USH2A: variants seen among roughly 807,000 people sequenced by gnomAD.
USH2A encodes usherin, also known as Usher syndrome 2A (autosomal recessive, mild).
Under a neutral mutation model 538.9 loss-of-function variants are expected in USH2A, and 443 were observed. The observed-to-expected ratio is 0.82, with a 90% CI of 0.76 to 0.89. The LOEUF is 0.89. Ranked by LOEUF, USH2A falls within the 40% of genes least tolerant of loss-of-function variation. The pLI, the probability that USH2A is intolerant of heterozygous loss-of-function variation, is 0.00. For synonymous variants in USH2A, 2,413 were observed against 2,273.5 expected (o/e 1.06, Z -1.75); for missense variants, 6,633 against 6,324.8 (o/e 1.05, Z -1.65).
At chr1:216,144,948 A>G (rs994797932) in intron 21 of USH2A, among the ~76,000 whole-genome samples, 6 of 152,290 alleles carry the variant, frequency 3.9e-5, no homozygotes, top group Admixed American at 2.0e-4. Context: ...GCAAAATAGG[A>G]AATGTATTAT....
In USH2A at chr1:215,675,314, A is replaced by G. The variant is rs202172029; in HGVS notation, c.12597T>C (p.Ala4199=). ...CGGCCTGGATTGTCTGATTTCCCCA[A>G]GCTTTTCCCTCGAAGCATCTGCGAA... ...EVIRRCFEGK[A]WGNQTIQADE... is the part of the protein sequence containing the mutation. Residue 4199 remains alanine, a synonymous_variant, in exon 63 of 72, where the codon GCT becomes GCC. Coordinates refer to ENST00000307340, the MANE Select transcript of USH2A (RefSeq NM_206933.4). The G allele has an allele frequency of 7.1e-5, 114 of 1,613,986 alleles. No homozygotes were observed. Among genetic ancestry groups the G allele is most frequent in the Non-Finnish European group, 1.9e-5 (22 of 1,180,042 alleles).
At chr1:215,677,550 G>T (rs11120597) in intron 62 of USH2A, among the ~76,000 whole-genome samples, 25 of 151,942 alleles carry the variant, frequency 1.6e-4, no homozygotes, top group African/African-American at 5.8e-4. Flanking sequence ...TCTCCTTGTC[G>T]AGATCACAGT....
intron 32 of USH2A, among the ~76,000 whole-genome samples, chr1:216,002,887 A>C (rs2102485169): frequency 6.6e-6 from 1 of 152,258 alleles, no homozygotes; most frequent in South Asian, 2.1e-4. Flanking sequence ...TCAAGAATGC[A>C]TCATCATATT....
At chr1:215,852,682 T>C (rs1664049755) in intron 44 of USH2A, among the ~76,000 whole-genome samples, 1 of 152,104 alleles carries the variant, frequency 6.6e-6, no homozygotes, top group South Asian at 2.1e-4. Flanking sequence ...AGGCATTGGG[T>C]AAATACAGCT....
intron 13 of USH2A, among the ~76,000 whole-genome samples, chr1:216,243,075 A>G (rs1456337266): frequency 6.6e-6 from 1 of 152,312 alleles, no homozygotes; most frequent in South Asian, 2.1e-4. Flanking sequence ...TGATCATTCT[A>G]GCTTTTCATA....
chr1:215,882,572 A>G (rs1001661483), intron 41 of USH2A, among the ~76,000 whole-genome samples: 1 of 152,160 alleles, frequency 6.6e-6, no homozygotes, highest in Admixed American at 6.5e-5. Context: ...GCTCTGTTTT[A>G]TTTCACTCAG....
At chr1:216,176,715 C>A (rs1321976573) in intron 20 of USH2A, among the ~76,000 whole-genome samples, 1 of 152,112 alleles carries the variant, frequency 6.6e-6, no homozygotes, top group East Asian at 1.9e-4. Flanking sequence ...GCCTATTCAT[C>A]TCTCCTTCCC....
intron 32 of USH2A, among the ~76,000 whole-genome samples, chr1:216,026,289 T>C (rs933365719): frequency 3.3e-5 from 5 of 152,184 alleles, no homozygotes; most frequent in African/African-American, 4.8e-5. Context: ...TTCACTTAAC[T>C]ACCTTGAATA....
chr1:215,780,619 G>T (rs768763709), intron 54 of USH2A, among the ~76,000 whole-genome samples: 1 of 152,218 alleles, frequency 6.6e-6, no homozygotes. Context: ...AGTCAATATT[G>T]TCAAAACATA....
At chr1:216,095,139 A>C (rs1361536118) in intron 22 of USH2A, among the ~76,000 whole-genome samples, 1 of 152,030 alleles carries the variant, frequency 6.6e-6, no homozygotes, top group Non-Finnish European at 1.5e-5. Context: ...TTCCCTCTTA[A>C]ATCAGATATT....
At chr1:215,965,642 T>C (rs1278489798) in intron 36 of USH2A, among the ~76,000 whole-genome samples, 163 bp from the exon 37 acceptor site, 1 of 152,122 alleles carries the variant, frequency 6.6e-6, no homozygotes, top group Non-Finnish European at 1.5e-5. Context: ...AAAGCACACC[T>C]CATGTTTTCT....
chr1:216,406,781 A>T (rs1257326872), intron 3 of USH2A, among the ~76,000 whole-genome samples: 1 of 152,108 alleles, frequency 6.6e-6, no homozygotes, highest in African/African-American at 2.4e-5. Context: ...CAACCCAGAC[A>T]CTGAACACCA....
intron 32 of USH2A, among the ~76,000 whole-genome samples, chr1:216,044,714 C>T (rs1049086904): frequency 1.3e-5 from 2 of 152,066 alleles, no homozygotes; most frequent in African/African-American, 4.8e-5. Flanking sequence ...TTTTTAAGAC[C>T]ACATTCTTCA....
chr1:216,307,658 T>C (rs1472992292), intron 9 of USH2A, among the ~76,000 whole-genome samples: 1 of 152,198 alleles, frequency 6.6e-6, no homozygotes, highest in Non-Finnish European at 1.5e-5. Flanking sequence ...TCCTTCTCCT[T>C]GTGGTCTTTC....
intron 62 of USH2A, among the ~76,000 whole-genome samples, chr1:215,677,918 C>T (rs770843298): frequency 2.0e-5 from 3 of 152,206 alleles, no homozygotes; most frequent in Non-Finnish European, 4.4e-5. Context: ...TATCTACTTG[C>T]TCCTAACTTG....
intron 14 of USH2A, among the ~76,000 whole-genome samples, chr1:216,222,584 G>C (rs889191735): frequency 1.3e-5 from 2 of 152,176 alleles, no homozygotes; most frequent in Non-Finnish European, 2.9e-5. Flanking sequence ...ATAAAGGAAG[G>C]CAGGAGGGTA....
intron 61 of USH2A, among the ~76,000 whole-genome samples, chr1:215,703,956 G>A (rs1169538796): frequency 6.6e-6 from 1 of 152,210 alleles, no homozygotes; most frequent in Non-Finnish European, 1.5e-5. Context: ...AGGCACCTGA[G>A]GGAATCTCCT....
chr1:215,980,127 A>C (rs1312236197), intron 35 of USH2A, among the ~76,000 whole-genome samples: 1 of 152,234 alleles, frequency 6.6e-6, no homozygotes, highest in Non-Finnish European at 1.5e-5. Context: ...GGAGCATGCC[A>C]GGTAAGAAGA....
intron 13 of USH2A, among the ~76,000 whole-genome samples, chr1:216,244,435 A>C (rs1465715597): frequency 3.3e-5 from 5 of 152,244 alleles, no homozygotes; most frequent in Admixed American, 2.0e-4. Context: ...ATAACGAATT[A>C]AGTGCTTTAG....
Sources: allele counts gnomAD v4.1 joint callset (sites outside exome capture counted in the v4.1 genomes callset), GRCh38; gene constraint gnomAD v4.1.1; transcripts MANE v1.5; gene names NCBI Gene and HGNC (gene_info 2026-07-23, HGNC 2026-07-21).